MYO1H: variants seen among roughly 807,000 people sequenced by gnomAD.
MYO1H encodes unconventional myosin-Ih.
Under a neutral mutation model 149.3 loss-of-function variants are expected in MYO1H, and 118 were observed. The observed-to-expected ratio is 0.79, with a 90% CI of 0.68 to 0.92. The LOEUF is 0.92. Ranked by LOEUF, MYO1H falls within the 40% of genes least tolerant of loss-of-function variation. The probability of loss-of-function intolerance (pLI) is 0.00; values close to 1 mark genes in which losing one functional copy is unlikely to be tolerated. For synonymous variants in MYO1H, 447 were observed against 465.2 expected (o/e 0.96, Z 0.50); for missense variants, 1,212 against 1,280.7 (o/e 0.95, Z 0.82).
At chr12:109,409,708 T>C (rs1870582993) in intron 11 of MYO1H, 84 bp downstream of exon 11, 3 of 1,139,374 alleles carry the variant, frequency 2.6e-6, no homozygotes, top group Non-Finnish European at 4.0e-6. Flanking sequence ...CTAATGTTAC[T>C]AGATTGATTT....
the MYO1H span, among the ~76,000 whole-genome samples, chr12:109,328,535 G>C: frequency 3.3e-5 from 5 of 152,144 alleles, no homozygotes; most frequent in Non-Finnish European, 5.9e-5. Flanking sequence ...CTGAGACACT[G>C]TGCAGTTACA....
At chr12:109,443,799 A>G in intron 28 of MYO1H, 150 bp downstream of exon 28, 1 of 780,248 alleles carries the variant, frequency 1.3e-6, no homozygotes, top group Non-Finnish European at 2.0e-6. Flanking sequence ...GCTACTCGGA[A>G]GGCTGAGGCA....
intron 1 of MYO1H, among the ~76,000 whole-genome samples, chr12:109,363,438 G>C (rs748601841): frequency 6.6e-6 from 1 of 152,234 alleles, no homozygotes; most frequent in Non-Finnish European, 1.5e-5. Context: ...CGTCGGCCGG[G>C]CGCGGTGGCT....
chr12:109,425,815 A>AGG, intron 17 of MYO1H, 131 bp from the exon 18 acceptor site: 2 of 696,896 alleles, frequency 2.9e-6, no homozygotes, highest in Middle Eastern at 6.2e-4. Context: ...GATGGCCACT[A>AGG]GGAAGACAAT....
intron 1 of MYO1H, among the ~76,000 whole-genome samples, chr12:109,361,379 G>A (rs778828037): frequency 6.6e-6 from 1 of 151,978 alleles, no homozygotes; most frequent in Admixed American, 6.5e-5. Context: ...TTCGTGACTC[G>A]TTTTTGAGTC....
At chr12:109,412,980 G>GTTA (rs530139106) in intron 14 of MYO1H, among the ~76,000 whole-genome samples, 7,767 of 144,510 alleles carry the variant, frequency 0.054, 293 homozygotes, top group Middle Eastern at 0.086. Flanking sequence ...TGTTGTTGTT[G>GTTA]TTATTATTAT....
At chr12:109,392,955 A>C (rs1011723510) in intron 2 of MYO1H, among the ~76,000 whole-genome samples, 11 of 151,846 alleles carry the variant, frequency 7.2e-5, no homozygotes, top group African/African-American at 2.2e-4. Flanking sequence ...GACTACAGGC[A>C]TGCACCATCA....
chr12:109,389,755 T>G (rs1869559648), intron 2 of MYO1H, among the ~76,000 whole-genome samples: 1 of 152,220 alleles, frequency 6.6e-6, no homozygotes, highest in Admixed American at 6.5e-5. Context: ...ATTTAATTTT[T>G]TGAGATTTTA....
intron 1 of MYO1H, among the ~76,000 whole-genome samples, chr12:109,350,935 A>G (rs531887382): frequency 1.5e-4 from 23 of 152,234 alleles, no homozygotes; most frequent in Non-Finnish European, 3.4e-4. Context: ...TGCTGGTACA[A>G]TGTGCATATA....
chr12:109,339,774 A>G, the MYO1H span, among the ~76,000 whole-genome samples: 1 of 152,222 alleles, frequency 6.6e-6, no homozygotes, highest in Non-Finnish European at 1.5e-5. Context: ...CCTTACCATT[A>G]TGAAAATCCT....
chr12:109,432,750 C>T (rs911896367), intron 19 of MYO1H, 147 bp from the exon 20 acceptor site: 11 of 633,940 alleles, frequency 1.7e-5, no homozygotes, highest in South Asian at 4.0e-5. Context: ...TCTTTGAATT[C>T]GAGAAAGTTC....
intron 1 of MYO1H, among the ~76,000 whole-genome samples, chr12:109,361,295 AC>A (rs1445847834): frequency 6.6e-6 from 1 of 152,114 alleles, no homozygotes; most frequent in African/African-American, 2.4e-5. Context: ...AGGTTCTAGC[AC>A]CCCAGAAACC....
At chr12:109,397,789 A>G (rs1428890520) in exon 5 of MYO1H, 7 of 1,610,620 alleles carry the variant, frequency 4.3e-6, no homozygotes, top group African/African-American at 4.0e-5. Context: ...TGGGAAATAC[A>G]TGGATATACA....
intron 2 of MYO1H, among the ~76,000 whole-genome samples, chr12:109,391,458 T>C (rs1232541830): frequency 6.6e-6 from 1 of 152,208 alleles, no homozygotes; most frequent in Non-Finnish European, 1.5e-5. Flanking sequence ...ATATGCACTA[T>C]ATTTTCTTCA....
chr12:109,371,803 C>G (rs1472720434), intron 1 of MYO1H, among the ~76,000 whole-genome samples: 1 of 152,090 alleles, frequency 6.6e-6, no homozygotes, highest in Non-Finnish European at 1.5e-5. Flanking sequence ...GCTAGTAATT[C>G]CTTTCCACAC....
chr12:109,439,080 GT>G (rs66538860), intron 23 of MYO1H, among the ~76,000 whole-genome samples: 151,462 of 152,134 alleles, frequency 1, 75,396 homozygotes, highest in East Asian at 1. Flanking sequence ...GTTGTTGTTT[GT>G]TTTTTTTGTT....
At chr12:109,328,797 A>G in the MYO1H span, among the ~76,000 whole-genome samples, 2 of 152,216 alleles carry the variant, frequency 1.3e-5, no homozygotes, top group African/African-American at 2.4e-5. Flanking sequence ...TATTATTGAC[A>G]CATAAAATTG....
At chr12:109,435,567 G>C (rs904880832) in intron 21 of MYO1H, among the ~76,000 whole-genome samples, 1 of 152,154 alleles carries the variant, frequency 6.6e-6, no homozygotes, top group African/African-American at 2.4e-5. Flanking sequence ...GGGAGGGAGC[G>C]TCTCTTTTGA....
the MYO1H span, among the ~76,000 whole-genome samples, chr12:109,318,967 G>GTTTTTTTTGTTTTTTTTGTTTT: frequency 5.0e-5 from 4 of 79,624 alleles, no homozygotes; most frequent in African/African-American, 2.4e-4. Context: ...TGCGTTTTTG[G>GTTTTTTTTGTTTTTTTTGTTTT]TTTTGTTTTT....
Sources: gnomAD v4.1 joint callset for allele counts (sites outside exome capture counted in the v4.1 genomes callset) on GRCh38, gnomAD v4.1.1 for gene constraint, MANE v1.5 for transcripts, NCBI Gene and HGNC (gene_info 2026-07-23, HGNC 2026-07-21) for gene names.